Variants in ARHGEF28 observed in about 807,000 individuals in gnomAD.
ARHGEF28 encodes Rho guanine nucleotide exchange factor 28.
Under a neutral mutation model 206.6 loss-of-function variants are expected in ARHGEF28, and 152 were observed. The ratio of observed to expected loss-of-function variants is 0.74; its 90% CI spans 0.64 to 0.84. The LOEUF (loss-of-function observed/expected upper bound fraction) is 0.84, where lower values mean the gene tolerates loss of function less well. Among genes scored for constraint, ARHGEF28 ranks in the 40% least tolerant of loss-of-function variants. The pLI is 0.00. For missense variants in ARHGEF28, 2,028 were observed against 2,073.2 expected (o/e 0.98, Z 0.42); for synonymous variants, 763 against 776.4 (o/e 0.98, Z 0.29).
Position 73,752,988 on chromosome 5 carries a change from C to G in ARHGEF28, c.261C>G (p.Gly87=). ...ACTCTCCGGTGACCATGGGCTCTGG[C>G]TCAGTGACCTACGTGGACAACATGG... The part of the protein sequence containing the change: ...EGYSPVTMGS[G]SVTYVDNMAC... Residue 87 remains glycine (G), a synonymous_variant, in exon 4 of 36, where the codon GGC becomes GGG. Transcript: ENST00000513042. 6.2e-7 allele frequency: 1 copy of G among 1,613,706 alleles called. No homozygotes were observed. The highest frequency in any genetic ancestry group is 8.5e-7 in the Non-Finnish European group (1 of 1,179,740).
At chr5:73,834,517 T>A (rs1317487648) in intron 10 of ARHGEF28, among the ~76,000 whole-genome samples, 1 of 151,562 alleles carries the variant, frequency 6.6e-6, no homozygotes, top group Non-Finnish European at 1.5e-5. Flanking sequence ...GGATTTTTTT[T>A]CTTTTCTAGG....
intron 16 of ARHGEF28, among the ~76,000 whole-genome samples, chr5:73,863,937 C>T (rs1189536910): frequency 6.6e-6 from 1 of 152,118 alleles, no homozygotes; most frequent in Non-Finnish European, 1.5e-5. Flanking sequence ...GGCGCAGCTT[C>T]CTGCCCAGTT....
At chr5:73,814,347 G>A (rs537564006) in intron 9 of ARHGEF28, among the ~76,000 whole-genome samples, 1 of 152,124 alleles carries the variant, frequency 6.6e-6, no homozygotes, top group African/African-American at 2.4e-5. Flanking sequence ...ATAATGGAAT[G>A]GGTTTACATT....
chr5:73,633,702 A>ATC (rs1215384499), intron 1 of ARHGEF28, among the ~76,000 whole-genome samples: 1 of 148,580 alleles, frequency 6.7e-6, no homozygotes, highest in African/African-American at 2.5e-5. Flanking sequence ...TCAGCCTCCT[A>ATC]AATAGCTGGG....
intron 21 of ARHGEF28, among the ~76,000 whole-genome samples, chr5:73,872,292 A>G (rs1760154525): frequency 6.6e-6 from 1 of 152,058 alleles, no homozygotes; most frequent in Non-Finnish European, 1.5e-5. Flanking sequence ...CCTTTTGGAG[A>G]AACATCTGTT....
chr5:73,697,916 G>A (rs1748324791), intron 2 of ARHGEF28, among the ~76,000 whole-genome samples: 1 of 152,152 alleles, frequency 6.6e-6, no homozygotes, highest in Non-Finnish European at 1.5e-5. Flanking sequence ...ATTTGTATGT[G>A]CATTAATTCA....
At chr5:73,852,827 C>T (rs1339780873) in intron 14 of ARHGEF28, 135 bp downstream of exon 14, 5 of 912,144 alleles carry the variant, frequency 5.5e-6, no homozygotes, top group Admixed American at 1.9e-5. Context: ...ACCCTTTGCT[C>T]CCTCTGGGAT....
chr5:73,669,359 T>C (rs906373149), intron 1 of ARHGEF28, among the ~76,000 whole-genome samples: 4 of 152,226 alleles, frequency 2.6e-5, no homozygotes, highest in African/African-American at 9.6e-5. Context: ...TAATTTTTAA[T>C]TGAAATTTTA....
chr5:73,705,693 C>A (rs1748887573), intron 2 of ARHGEF28, among the ~76,000 whole-genome samples: 1 of 152,156 alleles, frequency 6.6e-6, no homozygotes, highest in African/African-American at 2.4e-5. Flanking sequence ...CTGAAGGAGT[C>A]CTCATTTTAG....
intron 1 of ARHGEF28, among the ~76,000 whole-genome samples, chr5:73,675,139 A>C (rs146407330): frequency 2.8e-3 from 420 of 152,244 alleles, no homozygotes; most frequent in Admixed American, 5.6e-3. Context: ...GTCTTGTGGG[A>C]CTGAGTCCTC....
intron 14 of ARHGEF28, among the ~76,000 whole-genome samples, chr5:73,853,578 A>G (rs1171600339): frequency 2.6e-5 from 4 of 152,252 alleles, no homozygotes; most frequent in Admixed American, 6.5e-5. Flanking sequence ...AGAAACTTTC[A>G]AATGATACAA....
chr5:73,702,794 C>T (rs115846977), intron 2 of ARHGEF28, among the ~76,000 whole-genome samples: 1,841 of 152,238 alleles, frequency 0.012, 35 homozygotes, highest in African/African-American at 0.042. Flanking sequence ...GATTATGTAG[C>T]CCCTTTGGGA....
intron 27 of ARHGEF28, among the ~76,000 whole-genome samples, chr5:73,892,924 A>G (rs1336892917): frequency 6.6e-6 from 1 of 152,096 alleles, no homozygotes; most frequent in Non-Finnish European, 1.5e-5. Flanking sequence ...CTTTATTCCC[A>G]TTATGGGTGT....
chr5:73,901,023 T>A, intron 30 of ARHGEF28, 161 bp from the exon 31 acceptor site: 1 of 579,200 alleles, frequency 1.7e-6, no homozygotes, highest in South Asian at 1.9e-5. Flanking sequence ...CATGCATTGC[T>A]CTGCGCTCAT....
intron 1 of ARHGEF28, among the ~76,000 whole-genome samples, chr5:73,666,656 T>G (rs1476679192): frequency 6.6e-6 from 1 of 152,128 alleles, no homozygotes; most frequent in Admixed American, 6.5e-5. Flanking sequence ...AAATTTGAAA[T>G]GAAGAACTTT....
At chr5:73,864,710 T>A in intron 16 of ARHGEF28, 107 bp from the exon 17 acceptor site, 1 of 903,350 alleles carries the variant, frequency 1.1e-6, no homozygotes, top group Non-Finnish European at 1.7e-6. Flanking sequence ...ATATTTGTAA[T>A]GTTTATGTGT....
intron 9 of ARHGEF28, among the ~76,000 whole-genome samples, chr5:73,796,148 G>A (rs921704177): frequency 6.6e-6 from 1 of 152,228 alleles, no homozygotes; most frequent in Non-Finnish European, 1.5e-5. Flanking sequence ...CTAATGGGGT[G>A]TTTGAAGATA....
intron 1 of ARHGEF28, among the ~76,000 whole-genome samples, chr5:73,676,740 G>T (rs1430375157): frequency 6.6e-6 from 1 of 151,980 alleles, no homozygotes; most frequent in Non-Finnish European, 1.5e-5. Context: ...ACTTGACAAG[G>T]GTTCATTTAA....
chr5:73,745,464 A>G (rs1423447225), intron 2 of ARHGEF28, among the ~76,000 whole-genome samples: 3 of 152,104 alleles, frequency 2.0e-5, no homozygotes, highest in East Asian at 3.8e-4. Context: ...GAAGAAATCC[A>G]TAGATGTCAC....
Sources: allele counts gnomAD v4.1 joint callset (sites outside exome capture counted in the v4.1 genomes callset), GRCh38; gene constraint gnomAD v4.1.1; transcripts MANE v1.5; gene names NCBI Gene and HGNC (gene_info 2026-07-23, HGNC 2026-07-21).